IL1RAPL1: variants seen among roughly 807,000 people sequenced by gnomAD.
IL1RAPL1 encodes the protein interleukin-1 receptor accessory protein-like 1.
IL1RAPL1 carries 3 observed loss-of-function variants against 48.4 expected under a neutral mutation model. The observed-to-expected ratio is 0.06, with a 90% confidence interval of 0.03 to 0.16. The LOEUF is 0.16. Ranked by LOEUF, IL1RAPL1 falls within the 10% of genes least tolerant of loss-of-function variation. The probability of loss-of-function intolerance (pLI) is 1.00; values close to 1 mark genes in which losing one functional copy is unlikely to be tolerated. For missense variants in IL1RAPL1, 349 were observed against 530.6 expected (o/e 0.66, Z 3.36); for synonymous variants, 185 against 187.7 (o/e 0.99, Z 0.12).
intron 6 of IL1RAPL1, among the ~76,000 whole-genome samples, chrX:29,685,715 G>A (rs757986282): frequency 8.1e-4 from 90 of 110,697 alleles, no homozygotes; most frequent in Non-Finnish European, 8.9e-4. Context: ...GGCCAGGTGC[G>A]GTGGCTCACA....
chrX:29,293,276 A>G (rs1283026989), intron 3 of IL1RAPL1, among the ~76,000 whole-genome samples: 1 of 108,595 alleles, frequency 9.2e-6, no homozygotes, highest in Non-Finnish European at 1.9e-5. Context: ...TCAACAAAAC[A>G]GCCTATTTTT....
chrX:29,242,434 C>A (rs1169374397), intron 2 of IL1RAPL1, among the ~76,000 whole-genome samples: 2 of 112,028 alleles, frequency 1.8e-5, no homozygotes, highest in African/African-American at 3.2e-5. Context: ...TTAAATGCTA[C>A]AAGAAAAATC....
intron 5 of IL1RAPL1, among the ~76,000 whole-genome samples, chrX:29,467,695 CTG>C (rs1453307466): frequency 1.8e-5 from 2 of 111,534 alleles, no homozygotes; most frequent in African/African-American, 3.3e-5. Flanking sequence ...GTGGTAAAGT[CTG>C]TATCTACGCA....
At chrX:29,650,484 A>ATT (rs200699886) in intron 5 of IL1RAPL1, among the ~76,000 whole-genome samples, 11 of 104,388 alleles carry the variant, frequency 1.1e-4, no homozygotes, top group African/African-American at 3.5e-4. Context: ...CAGCTAACTC[A>ATT]TTTTTTTTTT....
At chrX:29,729,057 C>T (rs1257613765) in intron 6 of IL1RAPL1, among the ~76,000 whole-genome samples, 5 of 111,736 alleles carry the variant, frequency 4.5e-5, no homozygotes, top group Non-Finnish European at 9.4e-5. Flanking sequence ...CAGAAACTGG[C>T]ATGGTGTCAT....
At chrX:29,631,735 C>T (rs773560553) in intron 5 of IL1RAPL1, among the ~76,000 whole-genome samples, 4 of 111,452 alleles carry the variant, frequency 3.6e-5, no homozygotes, top group Non-Finnish European at 7.5e-5. Flanking sequence ...GCGGAGCTTG[C>T]AGTGAGCCAA....
intron 6 of IL1RAPL1, among the ~76,000 whole-genome samples, chrX:29,894,321 G>C (rs149338894): frequency 8.6e-4 from 96 of 112,213 alleles, no homozygotes; most frequent in African/African-American, 3.0e-3. Flanking sequence ...GAGATGACCA[G>C]TGGTTTTAAT....
chrX:29,523,074 A>C (rs138400595), intron 5 of IL1RAPL1, among the ~76,000 whole-genome samples: 1,801 of 111,691 alleles, frequency 0.016, 34 homozygotes, highest in African/African-American at 0.054. Flanking sequence ...TTATAACTTT[A>C]TATGTTACAT....
chrX:29,281,587 G>C (rs1021981327), intron 2 of IL1RAPL1, among the ~76,000 whole-genome samples: 4 of 111,085 alleles, frequency 3.6e-5, no homozygotes, highest in African/African-American at 1.3e-4. Context: ...GTTTACCTCT[G>C]TCTCTGGCTG....
chrX:28,618,134 C>T (rs781455628), intron 1 of IL1RAPL1, among the ~76,000 whole-genome samples: 3 of 112,060 alleles, frequency 2.7e-5, no homozygotes, highest in South Asian at 7.4e-4. Context: ...TATGATTCTG[C>T]TTATCTCTTT....
intron 5 of IL1RAPL1, among the ~76,000 whole-genome samples, chrX:29,596,091 G>A (rs1485508755): frequency 2.7e-5 from 3 of 111,838 alleles, no homozygotes; most frequent in Non-Finnish European, 5.6e-5. Context: ...TGGTCTATGT[G>A]CCTATTTTTA....
intron 6 of IL1RAPL1, among the ~76,000 whole-genome samples, chrX:29,821,345 G>A (rs749065745): frequency 2.4e-4 from 27 of 110,773 alleles, no homozygotes; most frequent in Non-Finnish European, 4.5e-4. Context: ...AGCTACTCGG[G>A]AGGCTGAGGC....
intron 3 of IL1RAPL1, among the ~76,000 whole-genome samples, chrX:29,311,036 C>A (rs1932717632): frequency 1.8e-5 from 2 of 111,566 alleles, no homozygotes; most frequent in Admixed American, 1.9e-4. Context: ...TGGCAAATTG[C>A]CTTTTAGAAT....
chrX:29,294,293 C>T (rs1170640980), intron 3 of IL1RAPL1, among the ~76,000 whole-genome samples: 1 of 109,880 alleles, frequency 9.1e-6, no homozygotes, highest in Non-Finnish European at 1.9e-5. Flanking sequence ...CTTTGGGAGG[C>T]TGAGGTGGGC....
intron 2 of IL1RAPL1, among the ~76,000 whole-genome samples, chrX:28,821,574 T>A (rs140814871): frequency 8.9e-6 from 1 of 111,898 alleles, no homozygotes; most frequent in East Asian, 2.9e-4. Flanking sequence ...GTGGGTTATT[T>A]GGACTTGAGT....
chrX:29,464,048 T>G (rs1354931402), intron 5 of IL1RAPL1, among the ~76,000 whole-genome samples: 1 of 112,249 alleles, frequency 8.9e-6, no homozygotes, highest in African/African-American at 3.2e-5. Context: ...TGAGAACTCC[T>G]CAGCCAATTC....
chrX:28,612,974 C>T (rs1056409758), intron 1 of IL1RAPL1, among the ~76,000 whole-genome samples: 2 of 111,637 alleles, frequency 1.8e-5, no homozygotes, highest in Non-Finnish European at 3.8e-5. Context: ...GGGCAAATCT[C>T]GTAACATTTC....
At chrX:29,504,611 CTT>C (rs1314209126) in intron 5 of IL1RAPL1, among the ~76,000 whole-genome samples, 1 of 111,674 alleles carries the variant, frequency 9.0e-6, no homozygotes, top group African/African-American at 3.3e-5. Flanking sequence ...TTTTTACAGT[CTT>C]TTATTTTCAG....
At chrX:29,893,932 T>A (rs1031023762) in intron 6 of IL1RAPL1, among the ~76,000 whole-genome samples, 16 of 111,942 alleles carry the variant, frequency 1.4e-4, no homozygotes, top group African/African-American at 4.2e-4. Flanking sequence ...GTTGTAAATA[T>A]GTCCCAATGG....
Sources: allele counts gnomAD v4.1 joint callset (sites outside exome capture counted in the v4.1 genomes callset), GRCh38; gene constraint gnomAD v4.1.1; transcripts MANE v1.5; gene names NCBI Gene and HGNC (gene_info 2026-07-23, HGNC 2026-07-21).